KLRG1: variants seen among roughly 807,000 people sequenced by gnomAD.
The protein encoded by KLRG1 is killer cell lectin-like receptor subfamily G member 1.
A neutral mutation model predicts 21.8 loss-of-function variants in KLRG1; 16 were observed. The ratio of observed to expected loss-of-function variants is 0.73; its 90% CI spans 0.50 to 1.11. The LOEUF (loss-of-function observed/expected upper bound fraction) is 1.11. KLRG1 is among the 50% of genes most tolerant of loss of function. The pLI is 0.00. For missense variants in KLRG1, 173 were observed against 218.3 expected (o/e 0.79, Z 1.31); for synonymous variants, 69 against 75.9 (o/e 0.91, Z 0.47).
At chr12:9,088,322 T>C in the KLRG1 span, among the ~76,000 whole-genome samples, 1 of 152,034 alleles carries the variant, frequency 6.6e-6, no homozygotes, top group African/African-American at 2.4e-5. Flanking sequence ...TGTTGGTAAT[T>C]AAAATGAAAT....
the KLRG1 span, among the ~76,000 whole-genome samples, chr12:9,113,105 C>T: frequency 6.3e-5 from 9 of 143,838 alleles, no homozygotes; most frequent in Non-Finnish European, 7.5e-5. Context: ...GTCACATTTT[C>T]TTTTTTTTTT....
chr12:9,106,822 C>T, the KLRG1 span, among the ~76,000 whole-genome samples: 1 of 151,940 alleles, frequency 6.6e-6, no homozygotes, highest in African/African-American at 2.4e-5. Flanking sequence ...CTGAAATTCC[C>T]TAGATATATT....
the KLRG1 span, among the ~76,000 whole-genome samples, chr12:9,132,365 A>C: frequency 3.9e-5 from 6 of 152,244 alleles, no homozygotes; most frequent in Non-Finnish European, 8.8e-5. Context: ...GTTGTGAAAC[A>C]ACATACAGTG....
chr12:9,068,934 G>T, the KLRG1 span: 3 of 865,148 alleles, frequency 3.5e-6, no homozygotes, highest in Non-Finnish European at 5.3e-6. Flanking sequence ...TGGGGGAAAA[G>T]CTTTATTATC....
At chr12:9,193,772 A>G in the KLRG1 span, among the ~76,000 whole-genome samples, 3 of 152,184 alleles carry the variant, frequency 2.0e-5, no homozygotes, top group East Asian at 5.8e-4. Context: ...GGAAAAAATA[A>G]CATAAAACAA....
At chr12:8,984,986 T>A (rs909021660), upstream of KLRG1, among the ~76,000 whole-genome samples, 3 of 152,226 alleles carry the variant, frequency 2.0e-5, no homozygotes, top group African/African-American at 7.2e-5. Flanking sequence ...TTTCCCCTAA[T>A]GTTAGCATCT....
At chr12:9,039,268 G>A in the KLRG1 span, among the ~76,000 whole-genome samples, 1 of 152,176 alleles carries the variant, frequency 6.6e-6, no homozygotes, top group South Asian at 2.1e-4. Flanking sequence ...CTTTTACTGA[G>A]AATAGAAGAA....
chr12:9,108,276 C>T, the KLRG1 span, among the ~76,000 whole-genome samples: 1 of 152,248 alleles, frequency 6.6e-6, no homozygotes, highest in Non-Finnish European at 1.5e-5. Context: ...CAGGCGCTGG[C>T]CACCATGCCT....
the KLRG1 span, chr12:9,169,123 A>T: frequency 1.6e-6 from 1 of 614,972 alleles, no homozygotes. Flanking sequence ...TAGTGAAATT[A>T]CTAAACTTAT....
At chr12:9,201,271 C>T in the KLRG1 span, 1 of 1,432,980 alleles carries the variant, frequency 7.0e-7, no homozygotes, top group Admixed American at 1.9e-5. Flanking sequence ...ATTATCAGAA[C>T]CTCCTACTCT....
At chr12:8,956,243 G>A (rs1418192676) in intron 1 of KLRG1, among the ~76,000 whole-genome samples, 2 of 152,214 alleles carry the variant, frequency 1.3e-5, no homozygotes, top group Non-Finnish European at 2.9e-5. Context: ...CCACGTTATG[G>A]GAAGTGGTGG....
At chr12:9,200,460 G>A in the KLRG1 span, 1 of 1,575,166 alleles carries the variant, frequency 6.3e-7, no homozygotes, top group Non-Finnish European at 8.7e-7. Context: ...TGTTAATAGA[G>A]ATAATAGGAA....
At chr12:9,181,153 G>A in the KLRG1 span, 344,953 of 1,612,846 alleles carry the variant, frequency 0.21, 38,442 homozygotes, top group African/African-American at 0.33. Flanking sequence ...TGAAGGAAAC[G>A]TCAACCAGTG....
the KLRG1 span, chr12:9,106,433 T>C: frequency 7.0e-7 from 1 of 1,437,760 alleles, no homozygotes. Flanking sequence ...AATTCATTAT[T>C]TGGCTAAGAA....
At chr12:8,976,005 C>T (rs1946652121) in intron 1 of KLRG1, among the ~76,000 whole-genome samples, 1 of 151,882 alleles carries the variant, frequency 6.6e-6, no homozygotes, top group Non-Finnish European at 1.5e-5. Context: ...CTTCCTTTTG[C>T]TACCATTTGG....
At position 9,000,494 on chromosome 12, in the gene KLRG1, A is replaced by AC. The variant is rs771448559; in HGVS notation, c.357+5208dup. 1.5e-4 allele frequency among the ~76,000 whole-genome samples: 23 copies of AC among 152,332 alleles called. No homozygotes were observed. In the East Asian group the frequency reaches 4.2e-3, roughly 28 times the overall value. ...TTAAGTACATTCACATTGTTGTACA[A>AC]CCATCACTACCATCATCTCCAGAAC... On this transcript the variant is annotated intron_variant, in intron 3 of 4. Transcript: ENST00000356986.
chr12:9,194,619 C>A, the KLRG1 span, among the ~76,000 whole-genome samples: 52 of 152,152 alleles, frequency 3.4e-4, no homozygotes, highest in African/African-American at 1.2e-3. Flanking sequence ...CGCCCGCCAC[C>A]CCGCCCAGCT....
the KLRG1 span, among the ~76,000 whole-genome samples, chr12:9,184,074 A>C: frequency 2.3e-4 from 35 of 152,224 alleles, no homozygotes; most frequent in Non-Finnish European, 4.9e-4. Context: ...AATTATGGTG[A>C]CTTTATGGCA....
chr12:9,026,285 A>G, the KLRG1 span, among the ~76,000 whole-genome samples: 1 of 152,320 alleles, frequency 6.6e-6, no homozygotes, highest in African/African-American at 2.4e-5. Flanking sequence ...AGGAGATGAA[A>G]TAAAACACCA....
Sources: gnomAD v4.1 joint callset for allele counts (sites outside exome capture counted in the v4.1 genomes callset) on GRCh38, gnomAD v4.1.1 for gene constraint, MANE v1.5 for transcripts, NCBI Gene and HGNC (gene_info 2026-07-23, HGNC 2026-07-21) for gene names.